Variants in SNX32 observed in about 807,000 individuals in gnomAD.
The protein encoded by SNX32 is sorting nexin 32.
SNX32 carries 58 observed loss-of-function variants against 57.0 expected under a neutral mutation model. The ratio of observed to expected loss-of-function variants is 1.02; its 90% CI spans 0.82 to 1.27. SNX32 has a LOEUF of 1.27. Among genes scored for constraint, SNX32 ranks in the 50% most tolerant of loss-of-function variants. The pLI is 0.00. For synonymous variants in SNX32, 262 were observed against 220.4 expected (o/e 1.19, Z -1.67); for missense variants, 589 against 541.2 (o/e 1.09, Z -0.88).
In SNX32 at chr11:65,853,604, G is replaced by T. The variant is rs570291330; in HGVS notation, c.*269G>T. ...TGACACCTCTCCCCAGGAAGCTGAGGAACAGCCTCTACCCTCACCCATAGC... is the reference window on the plus strand; with the variant it reads ...TGACACCTCTCCCCAGGAAGCTGAGTAACAGCCTCTACCCTCACCCATAGC... On this transcript the variant is annotated 3_prime_UTR_variant, in exon 13 of 13. Transcript: ENST00000308342. 2.9e-5 allele frequency: 16 copies of T among 557,002 alleles called. No homozygotes were observed. The highest frequency in any genetic ancestry group is 2.5e-4 in the Admixed American group (8 of 32,082). 34.5% of individuals were successfully genotyped at this position (557,002 alleles called of 1,614,324 possible). A position where few individuals can be genotyped will look rare whatever the true frequency, so the allele number is the denominator to read the frequency against.
chr11:65,851,750 G>A, intron 9 of SNX32, 71 bp downstream of exon 9: 1 of 1,534,220 alleles, frequency 6.5e-7, no homozygotes, highest in Non-Finnish European at 9.0e-7. Flanking sequence ...CTGGCAGAGG[G>A]AAGAGCTCCA....
intron 6 of SNX32, 98 bp downstream of exon 6, chr11:65,850,953 G>A (rs1859166800): frequency 6.7e-7 from 1 of 1,490,256 alleles, no homozygotes; most frequent in Non-Finnish European, 9.4e-7. Context: ...CCACTGGTGG[G>A]GCCTGGCCTG....
chr11:65,846,336 G>C (rs555693251), intron 1 of SNX32, among the ~76,000 whole-genome samples: 42 of 150,150 alleles, frequency 2.8e-4, no homozygotes, highest in Admixed American at 1.1e-3. Context: ...TTTGGAGGCC[G>C]AGGCGGGCGG....
At chr11:65,840,545 G>A (rs930244925) in intron 1 of SNX32, among the ~76,000 whole-genome samples, 1 of 152,214 alleles carries the variant, frequency 6.6e-6, no homozygotes, top group African/African-American at 2.4e-5. Flanking sequence ...GCTCAGGCCT[G>A]TAATCTCTGC....
intron 8 of SNX32, 49 bp from the exon 9 acceptor site, chr11:65,851,591 G>C: frequency 6.2e-7 from 1 of 1,603,652 alleles, no homozygotes; most frequent in Non-Finnish European, 8.5e-7. Flanking sequence ...GAGAGGCTTT[G>C]AGCTGTTCCT....
rs1859297607 is a variant in SNX32, at chr11:65,853,518, G to A, written c.*183G>A. 2 of 634,400 alleles carry A rather than the reference G, an allele frequency of 3.2e-6. No homozygotes were observed. Among genetic ancestry groups the A allele is most frequent in the Admixed American group, 2.6e-5 (1 of 38,422 alleles). The allele number at this position is 634,400 out of a possible 1,614,324, so 39.3% of individuals were successfully genotyped here. On this transcript the variant is annotated 3_prime_UTR_variant, in exon 13 of 13. Coordinates refer to ENST00000308342, the MANE Select transcript of SNX32 (RefSeq NM_152760.3). ...ACCACCACCACAGGTGCCAGGCCCT[G>A]CAAGACACAGGGCAGCATGGGCATC...
chr11:65,851,164 C>T lies in SNX32; in HGVS notation c.709+4C>T, dbSNP rs117430278. On this transcript the variant is annotated splice_donor_region_variant and intron_variant, in intron 7 of 12. Coordinates refer to ENST00000308342, the MANE Select transcript of SNX32 (RefSeq NM_152760.3). ...CGCGTCATGCGCGCCCACAAGTGTA[C>T]GCAGGGCCCAAGGGGTCCTGGATCC... The T allele has an allele frequency of 1.5e-4, 246 of 1,611,830 alleles. 1 individual carries two copies. In the East Asian group the frequency reaches 2.8e-3, roughly 18 times the overall value.
rs750440058 is a variant in SNX32 at position 65,852,802 on chromosome 11, C to CCCCCAG, written c.1072+22_1072+27dup. 1.9e-6 allele frequency: 3 copies of CCCCCAG among 1,609,816 alleles called. No homozygotes were observed. In the South Asian group the frequency reaches 3.3e-5, roughly 18 times the overall value. On this transcript the variant is annotated intron_variant, in intron 11 of 12. Coordinates refer to ENST00000308342, the MANE Select transcript of SNX32 (RefSeq NM_152760.3). The stretch of plus-strand genomic sequence containing the variant: ...TCCGCCAAGCAAGGTGAGCCCGCAG[C>CCCCCAG]CCCCAGCCCCAGCCTGGGGCCACAT...
Position 65,852,794 on chromosome 11 carries a change from G to C in SNX32, c.1072+5G>C, listed in dbSNP as rs1168576895. 3 of 1,609,882 alleles carry C rather than the reference G, an allele frequency of 1.9e-6. No homozygotes were observed. The highest frequency in any genetic ancestry group is 1.3e-5 in the African/African-American group (1 of 74,820). On this transcript the variant is annotated splice_donor_5th_base_variant and intron_variant, in intron 11 of 12. Coordinates refer to ENST00000308342, the MANE Select transcript of SNX32 (RefSeq NM_152760.3). Reference sequence around the variant, plus strand: ...TCTCCGACTCCGCCAAGCAAGGTGAGCCCGCAGCCCCCAGCCCCAGCCTGG... The same window carrying C: ...TCTCCGACTCCGCCAAGCAAGGTGACCCCGCAGCCCCCAGCCCCAGCCTGG...
intron 1 of SNX32, among the ~76,000 whole-genome samples, chr11:65,837,869 A>C (rs915543048): frequency 6.6e-6 from 1 of 151,408 alleles, no homozygotes; most frequent in Non-Finnish European, 1.5e-5. Context: ...GAAATAAAGA[A>C]GGATGGCTGG....
rs758167032 is a variant in SNX32, at chr11:65,852,756, C to A, written c.1039C>A (p.Arg347Ser). 3.7e-6 allele frequency: 6 copies of A among 1,608,348 alleles called. No individual in the cohort carries two copies. In the South Asian group the frequency reaches 6.6e-5, roughly 18 times the overall value. Reference sequence around the variant, plus strand: ...GAGCCACCAGCAGCTGTGCTGCCAACGCTTCGAGCGCCTCTCCGACTCCGC... The same window carrying A: ...GAGCCACCAGCAGCTGTGCTGCCAAAGCTTCGAGCGCCTCTCCGACTCCGC... ...AESHQQLCCQRFERLSDSAKQ... is the reference protein window; with the variant it reads ...AESHQQLCCQSFERLSDSAKQ... Residue 347 changes from arginine (R) to serine (S), a missense_variant, in exon 11 of 13, where the codon CGC (arginine) becomes AGC (serine). Transcript: ENST00000308342.
intron 1 of SNX32, among the ~76,000 whole-genome samples, chr11:65,839,436 A>G (rs1299203614): frequency 1.4e-5 from 2 of 147,838 alleles, no homozygotes; most frequent in African/African-American, 5.1e-5. Context: ...TCACCGTTTT[A>G]GCCGGGATGG....
chr11:65,850,651 G>GT, intron 5 of SNX32, 97 bp downstream of exon 5: 2 of 1,560,692 alleles, frequency 1.3e-6, no homozygotes, highest in South Asian at 2.3e-5. Flanking sequence ...AGGGGCCCAA[G>GT]TGGGCCCAAT....
chr11:65,846,101 G>A (rs1298091315), intron 1 of SNX32, among the ~76,000 whole-genome samples: 28 of 151,934 alleles, frequency 1.8e-4, no homozygotes, highest in African/African-American at 5.3e-4. Flanking sequence ...GTGAAACCCC[G>A]TCTCTGCTAA....
chr11:65,852,878 A>G lies in SNX32; in HGVS notation c.1078A>G (p.Met360Val), dbSNP rs372404613. ...CCTCTTCCCCTCCTCTCCAGAGCTC[A>G]TGGACTTCAAGTCCCGCCGGGTCTC... is the stretch of plus-strand genomic sequence containing the variant. ...RLSDSAKQEL[M>V]DFKSRRVSSF... is the part of the protein sequence containing the mutation. Residue 360 changes from methionine to valine, a missense_variant, in exon 12 of 13, where the codon ATG becomes GTG. By Grantham distance (21) the Met-to-Val change is conservative. Transcript: ENST00000308342. 7 of 1,614,060 alleles carry G rather than the reference A, an allele frequency of 4.3e-6. No individual in the cohort carries two copies. Among genetic ancestry groups the G allele is most frequent in the Non-Finnish European group, 5.9e-6 (7 of 1,179,964 alleles).
chr11:65,845,652 C>T (rs1405585734), intron 1 of SNX32, among the ~76,000 whole-genome samples: 2 of 151,574 alleles, frequency 1.3e-5, no homozygotes, highest in African/African-American at 2.4e-5. Context: ...GCAGGAGAAT[C>T]GCTTGAACCA....
intron 1 of SNX32, among the ~76,000 whole-genome samples, chr11:65,835,119 T>C (rs1452147375): frequency 6.6e-6 from 1 of 151,900 alleles, no homozygotes; most frequent in African/African-American, 2.4e-5. Flanking sequence ...TATGTGCCCA[T>C]GTGTCTCTGT....
chr11:65,837,562 G>A (rs1591023345), intron 1 of SNX32, among the ~76,000 whole-genome samples: 5 of 152,232 alleles, frequency 3.3e-5, no homozygotes, highest in Admixed American at 3.3e-4. Context: ...GCTCACACCT[G>A]TAATCCCAGC....
chr11:65,838,874 A>C (rs1858742398), intron 1 of SNX32, among the ~76,000 whole-genome samples: 1 of 152,144 alleles, frequency 6.6e-6, no homozygotes, highest in African/African-American at 2.4e-5. Context: ...CTTAGGCCAA[A>C]GAAGAAATTA....
Sources: allele counts gnomAD v4.1 joint callset (sites outside exome capture counted in the v4.1 genomes callset), GRCh38; gene constraint gnomAD v4.1.1; transcripts MANE v1.5; gene names NCBI Gene and HGNC (gene_info 2026-07-23, HGNC 2026-07-21).